Variants in GLS2 observed in about 807,000 individuals in gnomAD.
GLS2 encodes the protein glutaminase liver isoform, mitochondrial.
GLS2 carries 52 observed loss-of-function variants against 79.0 expected under a neutral mutation model. That is an observed-to-expected ratio of 0.66 (90% CI 0.53 to 0.83). The LOEUF (loss-of-function observed/expected upper bound fraction) is 0.83. Among genes scored for constraint, GLS2 ranks in the 40% least tolerant of loss-of-function variants. GLS2 has a pLI of 0.00. For synonymous variants in GLS2, 238 were observed against 280.8 expected, an observed-to-expected ratio of 0.85 and a Z score of 1.52; for missense variants, 561 against 764.8, an observed-to-expected ratio of 0.73 and a Z score of 3.14.
Position 56,474,642 on chromosome 12 carries a change from T to C in GLS2, c.1126A>G (p.Thr376Ala). The C allele has an allele frequency of 6.2e-7, 1 of 1,614,172 alleles. No individual in the cohort carries two copies. The highest frequency in any genetic ancestry group is 1.3e-5 in the African/African-American group (1 of 75,070). Residue 376 changes from threonine to alanine, a missense_variant, in exon 12 of 18, where the codon ACA (threonine) becomes GCA (alanine). Thr to Ala is a moderately conservative substitution (Grantham distance 58). Transcript: ENST00000311966. Reference sequence around the variant, plus strand: ...TCAGCACTCAGCACACTCTCGCCTGTGATGGGGCAGATCCCACCGTTGGCG... The same window carrying C: ...TCAGCACTCAGCACACTCTCGCCTGCGATGGGGCAGATCCCACCGTTGGCG... ...TLANGGICPI[T>A]GESVLSAEAV...
rs374417630 is a variant in GLS2 at position 56,472,765 on chromosome 12, C to T, written c.1450-14G>A. On this transcript the variant is annotated splice_polypyrimidine_tract_variant and intron_variant, in intron 14 of 17. Transcript: ENST00000311966. ...CACAGTCTTGTTCTGGAACACAAATCATACCCACATGACATTAATTGAACT... is the reference window on the plus strand; with the variant it reads ...CACAGTCTTGTTCTGGAACACAAATTATACCCACATGACATTAATTGAACT... 31 of 1,612,542 alleles carry T rather than the reference C, an allele frequency of 1.9e-5. No homozygotes were observed. Among genetic ancestry groups the T allele is most frequent in the Non-Finnish European group, 2.5e-5 (29 of 1,179,026 alleles).
At chr12:56,484,283 C>T (rs1233836172) in intron 1 of GLS2, among the ~76,000 whole-genome samples, 1 of 152,080 alleles carries the variant, frequency 6.6e-6, no homozygotes, top group Admixed American at 6.6e-5. Context: ...TACATAAATA[C>T]ATAAATAGGT....
rs1393611454 is a variant in GLS2, at chr12:56,475,093, T to A, written c.947A>T (p.Glu316Val). The A allele has an allele frequency of 1.2e-6, 2 of 1,614,170 alleles. No homozygotes were observed. The highest frequency in any genetic ancestry group is 1.7e-5 in the Admixed American group (1 of 60,016). The change falls in exon 10 of 18, where the codon GAA becomes GTA. Residue 316 changes from glutamate (E) to valine (V), a missense_variant. Physicochemically the swap from Glu to Val is moderately radical, Grantham distance 121 (BLOSUM62 -2). Transcript: ENST00000311966. ...FSNATFQSEKETGDRNYAIGY... is the reference protein window; with the variant it reads ...FSNATFQSEKVTGDRNYAIGY... The stretch of plus-strand genomic sequence containing the variant: ...GATGGCATAATTCCGATCCCCTGTT[T>A]CCTTCTCTGACTGGAATCTGAAGCA...
chr12:56,482,652 AG>A (rs1168043193), intron 1 of GLS2, among the ~76,000 whole-genome samples: 1 of 152,226 alleles, frequency 6.6e-6, no homozygotes, highest in Non-Finnish European at 1.5e-5. Context: ...ATTGCTAGCA[AG>A]GTCCCTGTGT....
intron 15 of GLS2, 71 bp from the exon 16 acceptor site, chr12:56,472,266 G>T: frequency 1.5e-6 from 2 of 1,364,396 alleles, no homozygotes; most frequent in Admixed American, 1.7e-5. Context: ...TTGTGAACTG[G>T]TGTCAGACTG....
intron 15 of GLS2, 163 bp from the exon 16 acceptor site, chr12:56,472,358 T>G: frequency 1.6e-6 from 1 of 635,552 alleles, no homozygotes; most frequent in Non-Finnish European, 2.8e-6. Flanking sequence ...CAGATGAGAC[T>G]GTTATACTCA....
chr12:56,487,480 C>G, intron 1 of GLS2: 1 of 190,656 alleles, frequency 5.2e-6, no homozygotes, highest in South Asian at 1.1e-4. Context: ...ATAATACACG[C>G]GCATCACACA....
rs1297594534 is a variant in GLS2, at chr12:56,474,955, A to G, written c.997-59T>C. ...AGGACATCAGCCCTTTCACACTGTC[A>G]GGGTCTCAGCTGAAGCCCCCAACCC... On this transcript the variant is annotated intron_variant, in intron 10 of 17. Transcript: ENST00000311966. 23 of 1,613,648 alleles carry G rather than the reference A, an allele frequency of 1.4e-5. No homozygotes were observed. The Admixed American group carries it at 2.7e-4, about 19-fold the overall frequency.
At chr12:56,474,954 C>G (rs1869669368) in intron 10 of GLS2, 58 bp from the exon 11 acceptor site, 1 of 1,613,696 alleles carries the variant, frequency 6.2e-7, no homozygotes, top group African/African-American at 1.3e-5. Flanking sequence ...TTCACACTGT[C>G]AGGGTCTCAG....
intron 12 of GLS2, 40 bp from the exon 13 acceptor site, chr12:56,473,634 C>T (rs1251844369): frequency 1.3e-6 from 2 of 1,574,304 alleles, no homozygotes; most frequent in Non-Finnish European, 8.6e-7. Context: ...AGTGGGTGTG[C>T]CCCAAATCAG....
intron 1 of GLS2, among the ~76,000 whole-genome samples, chr12:56,484,041 G>A (rs1184645686): frequency 6.6e-6 from 1 of 152,174 alleles, no homozygotes; most frequent in Non-Finnish European, 1.5e-5. Flanking sequence ...GGAGCCTAAG[G>A]TGGGCGGATC....
rs911899897 is a variant in GLS2 at position 56,483,609 on chromosome 12, ATGTT to A, written c.183-3226_183-3223del. ...CTAAAAGAAGCGTGTGGTAGTATTT[ATGTT>A]TGTTTGTTTGTTTTTAGAGATGGGG... On this transcript the variant is annotated intron_variant, in intron 1 of 17. Transcript: ENST00000311966. Among the ~76,000 whole-genome samples the A allele has an allele frequency of 2.0e-5, 3 of 151,902 alleles. 1 individual carries two copies. Among genetic ancestry groups the A allele is most frequent in the Admixed American group, 1.3e-4 (2 of 15,234 alleles).
Position 56,477,982 on chromosome 12 carries a change from G to A in GLS2, c.729C>T (p.Gly243=). The change falls in exon 6 of 18, where the codon GGC becomes GGT. Residue 243 remains glycine, a synonymous_variant. Coordinates refer to ENST00000311966, the MANE Select transcript of GLS2 (RefSeq NM_013267.4). ...TGTAGCGCAGGCCACTTGGCTCTTT[G>A]CCCACAAACTTGTGCACGTAGTCAG... ...LGTDYVHKFV[G]KEPSGLRYNK... 3 of 1,614,212 alleles carry A rather than the reference G, an allele frequency of 1.9e-6. No homozygotes were observed. Among genetic ancestry groups the A allele is most frequent in the Non-Finnish European group, 2.5e-6 (3 of 1,180,030 alleles).
At chr12:56,483,134 G>A (rs902859909) in intron 1 of GLS2, among the ~76,000 whole-genome samples, 1 of 147,666 alleles carries the variant, frequency 6.8e-6, no homozygotes, top group Non-Finnish European at 1.5e-5. Flanking sequence ...AGGCTGGAGT[G>A]CAATGGTGTG....
intron 1 of GLS2, among the ~76,000 whole-genome samples, chr12:56,480,850 C>T (rs1033590977): frequency 2.0e-5 from 3 of 152,168 alleles, no homozygotes; most frequent in Non-Finnish European, 4.4e-5. Context: ...CTCAAATCCA[C>T]CCTCTCCTCC....
At chr12:56,483,039 C>T (rs1251320932) in intron 1 of GLS2, among the ~76,000 whole-genome samples, 5 of 151,810 alleles carry the variant, frequency 3.3e-5, no homozygotes, top group African/African-American at 1.2e-4. Context: ...AACATATTTA[C>T]AATTATTCAT....
chr12:56,474,875 T>A lies in GLS2; in HGVS notation c.1018A>T (p.Met340Leu). Residue 340 changes from methionine to leucine, a missense_variant, in exon 11 of 18, where the codon ATG becomes TTG. By Grantham distance (15) the Met-to-Leu change is conservative (BLOSUM62 2). Coordinates refer to ENST00000311966, the MANE Select transcript of GLS2 (RefSeq NM_013267.4). ...EKKCFPKGVD[M>L]MAALDLYFQL... is the part of the protein sequence containing the mutation. Reference sequence around the variant, plus strand: ...AAGTAGAGATCAAGGGCAGCCATCATGTCCACCCCCTTAGGAAAGCACTGC... The same window carrying A: ...AAGTAGAGATCAAGGGCAGCCATCAAGTCCACCCCCTTAGGAAAGCACTGC... The A allele has an allele frequency of 1.9e-6, 3 of 1,614,176 alleles. No individual in the cohort carries two copies. Among genetic ancestry groups the A allele is most frequent in the Non-Finnish European group, 2.5e-6 (3 of 1,180,028 alleles).
At chr12:56,472,797 T>C in intron 14 of GLS2, 46 bp from the exon 15 acceptor site, 1 of 1,553,260 alleles carries the variant, frequency 6.4e-7, no homozygotes. Context: ...AACTCACCTA[T>C]GCCAGCTGTG....
intron 12 of GLS2, 43 bp from the exon 13 acceptor site, chr12:56,473,637 C>A: frequency 6.4e-7 from 1 of 1,572,170 alleles, no homozygotes; most frequent in South Asian, 1.2e-5. Flanking sequence ...GGGTGTGCCC[C>A]AAATCAGAAA....
Sources: allele counts gnomAD v4.1 joint callset (sites outside exome capture counted in the v4.1 genomes callset), GRCh38; gene constraint gnomAD v4.1.1; transcripts MANE v1.5; gene names NCBI Gene and HGNC (gene_info 2026-07-23, HGNC 2026-07-21).